The following MDGA2 variants were observed in gnomAD, a reference collection of about 807,000 sequenced individuals.
MDGA2 encodes the protein MAM domain-containing glycosylphosphatidylinositol anchor protein 2.
A neutral mutation model predicts 117.8 loss-of-function variants in MDGA2; 40 were observed. The ratio of observed to expected loss-of-function variants is 0.34; its 90% CI spans 0.26 to 0.44. The LOEUF is 0.44. MDGA2 is among the 20% of genes least tolerant of loss of function. The pLI, the probability that MDGA2 is intolerant of heterozygous loss-of-function variation, is 1.00. For synonymous variants in MDGA2, 452 were observed against 439.0 expected, an observed-to-expected ratio of 1.03 and a Z score of -0.37; for missense variants, 1,123 against 1,250.6, an observed-to-expected ratio of 0.90 and a Z score of 1.54.
chr14:47,525,601 C>A (rs1023026423), intron 1 of MDGA2, among the ~76,000 whole-genome samples: 3 of 152,070 alleles, frequency 2.0e-5, no homozygotes, highest in African/African-American at 7.2e-5. Context: ...AGGATAATCA[C>A]TTGAACCCGG....
intron 1 of MDGA2, among the ~76,000 whole-genome samples, chr14:47,416,886 A>C (rs111350464): frequency 6.6e-6 from 1 of 152,068 alleles, no homozygotes; most frequent in East Asian, 1.9e-4. Context: ...ATGCACTTGC[A>C]CTCTGGGTTT....
chr14:47,618,599 T>C (rs925344064), intron 1 of MDGA2, among the ~76,000 whole-genome samples: 18 of 152,224 alleles, frequency 1.2e-4, no homozygotes, highest in Admixed American at 1.2e-3. Context: ...TTGCAATTTT[T>C]CTGAATGCCG....
intron 3 of MDGA2, among the ~76,000 whole-genome samples, chr14:47,163,448 G>T (rs1389835035): frequency 6.6e-6 from 1 of 152,078 alleles, no homozygotes; most frequent in African/African-American, 2.4e-5. Flanking sequence ...ATGCTGTTCT[G>T]GTGATAGTGA....
At chr14:47,247,095 A>G (rs1240170590) in intron 2 of MDGA2, among the ~76,000 whole-genome samples, 1 of 151,812 alleles carries the variant, frequency 6.6e-6, no homozygotes, top group Non-Finnish European at 1.5e-5. Context: ...TTCAGGCTGT[A>G]TCTTAACCAG....
Position 47,242,615 on chromosome 14 carries a change from C to T in MDGA2, c.421-24420G>A, listed in dbSNP as rs545780451. On this transcript the variant is annotated intron_variant, in intron 2 of 16. Transcript: ENST00000399232. Reference sequence around the variant, plus strand: ...AGTGGCTGCGGAGGGTGTACTGAGTCCCCCAGCAGTGCTGGCCCACCAGCG... The same window carrying T: ...AGTGGCTGCGGAGGGTGTACTGAGTTCCCCAGCAGTGCTGGCCCACCAGCG... Among the ~76,000 whole-genome samples, 51 of 151,860 alleles carry T rather than the reference C, an allele frequency of 3.4e-4. 1 individual carries two copies. The highest frequency in any genetic ancestry group is 1.2e-3 in the African/African-American group (48 of 41,518).
chr14:47,360,188 C>T (rs1258366119), intron 1 of MDGA2, among the ~76,000 whole-genome samples: 1 of 151,712 alleles, frequency 6.6e-6, no homozygotes. Flanking sequence ...CCCATCTCTA[C>T]TAAAAATACA....
At chr14:47,518,549 C>T (rs977323891) in intron 1 of MDGA2, among the ~76,000 whole-genome samples, 2 of 152,100 alleles carry the variant, frequency 1.3e-5, no homozygotes, top group Non-Finnish European at 2.9e-5. Context: ...TAATTTGCAA[C>T]AATATGCAAA....
At chr14:47,661,161 A>G (rs9989173) in intron 1 of MDGA2, among the ~76,000 whole-genome samples, 46,792 of 151,956 alleles carry the variant, frequency 0.31, 8,120 homozygotes, top group East Asian at 0.62. Flanking sequence ...AAGCACACAC[A>G]TATCTGAATA....
chr14:47,537,369 C>T (rs895182192), intron 1 of MDGA2, among the ~76,000 whole-genome samples: 3 of 150,254 alleles, frequency 2.0e-5, no homozygotes, highest in African/African-American at 4.9e-5. Flanking sequence ...GACGAGTTAA[C>T]GGGTGCAGCA....
chr14:46,912,001 G>T (rs1372321299), intron 10 of MDGA2, among the ~76,000 whole-genome samples: 1 of 152,040 alleles, frequency 6.6e-6, no homozygotes, highest in Non-Finnish European at 1.5e-5. Flanking sequence ...CAGACTGGGA[G>T]TGATTCATTT....
rs10601470 is a variant in MDGA2 at position 47,393,093 on chromosome 14, A to AAAT, written c.281-91546_281-91544dup. 3.0e-3 allele frequency among the ~76,000 whole-genome samples: 446 copies of AAAT among 147,388 alleles called. 1 individual carries two copies. Among genetic ancestry groups the AAAT allele is most frequent in the South Asian group, 0.015 (69 of 4,694 alleles). On this transcript the variant is annotated intron_variant, in intron 1 of 16. Transcript: ENST00000399232. ...GCTAACCAAAGAAACCAGATAATTA[A>AAAT]AATAATAATAATAATAATAATAATA...
intron 10 of MDGA2, among the ~76,000 whole-genome samples, chr14:46,894,594 T>C (rs2138426811): frequency 6.6e-6 from 1 of 152,276 alleles, no homozygotes; most frequent in Non-Finnish European, 1.5e-5. Context: ...CTTTCCATTT[T>C]ATTTAGAGAC....
At chr14:47,578,801 C>T (rs111617857) in intron 1 of MDGA2, among the ~76,000 whole-genome samples, 143 of 152,254 alleles carry the variant, frequency 9.4e-4, no homozygotes, top group African/African-American at 3.2e-3. Flanking sequence ...TTAGAGGCTA[C>T]ATGATGTGCT....
intron 1 of MDGA2, among the ~76,000 whole-genome samples, chr14:47,404,409 C>T (rs1892219065): frequency 6.6e-6 from 1 of 151,848 alleles, no homozygotes; most frequent in Non-Finnish European, 1.5e-5. Flanking sequence ...TGGTCTCGAA[C>T]TTCTGACCTC....
At chr14:46,951,306 T>C (rs1175636995) in intron 9 of MDGA2, among the ~76,000 whole-genome samples, 1 of 151,958 alleles carries the variant, frequency 6.6e-6, no homozygotes, top group South Asian at 2.1e-4. Context: ...GGACTCCTAG[T>C]GGCAGGAAAT....
At chr14:47,615,030 AT>A (rs1218209232) in intron 1 of MDGA2, among the ~76,000 whole-genome samples, 2 of 151,884 alleles carry the variant, frequency 1.3e-5, no homozygotes, top group East Asian at 1.9e-4. Flanking sequence ...TATTTGCTTT[AT>A]TTTTTTCTCG....
At chr14:46,971,519 A>G (rs1472631533) in intron 8 of MDGA2, among the ~76,000 whole-genome samples, 1 of 152,206 alleles carries the variant, frequency 6.6e-6, no homozygotes, top group South Asian at 2.1e-4. Context: ...GATCTTATGG[A>G]GATAGAGTAT....
chr14:47,301,443 T>C lies in MDGA2; in HGVS notation c.388A>G (p.Thr130Ala), dbSNP rs1392396742. ...TIREGETLELTCLVTGHPRPQ... is the reference protein window; with the variant it reads ...TIREGETLELACLVTGHPRPQ... The stretch of plus-strand genomic sequence containing the variant: ...CGTGGATGTCCTGTGACTAGACAAG[T>C]CAACTCAAGGGTTTCTCCTTCCCGG... Residue 130 changes from threonine to alanine, a missense_variant, in exon 2 of 17, where the codon ACT (threonine) becomes GCT (alanine). This residue lies in a region of MDGA2 where 233 missense variants were observed against 200.3 expected (regional missense o/e 1.16). Coordinates refer to ENST00000399232, the MANE Select transcript of MDGA2 (RefSeq NM_001113498.3). 1 of 1,551,824 alleles carries C rather than the reference T, an allele frequency of 6.4e-7. No individual in the cohort carries two copies. Among genetic ancestry groups the C allele is most frequent in the Non-Finnish European group, 8.7e-7 (1 of 1,147,014 alleles).
intron 3 of MDGA2, among the ~76,000 whole-genome samples, chr14:47,178,707 T>C (rs1176566587): frequency 2.0e-5 from 3 of 152,132 alleles, no homozygotes; most frequent in Non-Finnish European, 4.4e-5. Context: ...CGTGGTGCTA[T>C]GGGAACTATC....
Sources: allele counts gnomAD v4.1 joint callset (sites outside exome capture counted in the v4.1 genomes callset), GRCh38; gene constraint gnomAD v4.1.1; regional missense constraint gnomAD v4.1.1; transcripts MANE v1.5; gene names NCBI Gene and HGNC (gene_info 2026-07-23, HGNC 2026-07-21).